The following TTC22 variants were observed in gnomAD, a reference collection of about 807,000 sequenced individuals.
TTC22 encodes tetratricopeptide repeat protein 22.
Under a neutral mutation model 48.2 loss-of-function variants are expected in TTC22, and 42 were observed. The observed-to-expected ratio is 0.87, with a 90% CI of 0.68 to 1.13. The LOEUF is 1.13. TTC22 is among the 50% of genes most tolerant of loss of function. The pLI is 0.00. For synonymous variants in TTC22, 345 were observed against 365.5 expected, an observed-to-expected ratio of 0.94 and a Z score of 0.64; for missense variants, 784 against 807.0, an observed-to-expected ratio of 0.97 and a Z score of 0.34.
intron 1 of TTC22, 49 bp downstream of exon 1, chr1:54,800,548 G>C: frequency 7.2e-7 from 1 of 1,390,382 alleles, no homozygotes; most frequent in Non-Finnish European, 9.4e-7. Context: ...GGGACCATGG[G>C]AGGACCACAG....
At chr1:54,781,893 C>A in intron 6 of TTC22, 114 bp from the exon 7 acceptor site, 1 of 957,238 alleles carries the variant, frequency 1.0e-6, no homozygotes, top group Non-Finnish European at 1.4e-6. Flanking sequence ...CCCACCCTCT[C>A]TCCATCGACA....
At chr1:54,782,070 G>GA (rs1161923152) in intron 6 of TTC22, among the ~76,000 whole-genome samples, 1 of 152,156 alleles carries the variant, frequency 6.6e-6, no homozygotes, top group Non-Finnish European at 1.5e-5. Flanking sequence ...AACATTCCCT[G>GA]AACACAGATA....
In TTC22 at chr1:54,786,149, G is replaced by A. The variant is rs778689561; in HGVS notation, c.859-5C>T. 5.6e-6 allele frequency: 9 copies of A among 1,613,660 alleles called. No homozygotes were observed. The highest frequency in any genetic ancestry group is 4.5e-5 in the East Asian group (2 of 44,874). Reference sequence around the variant, plus strand: ...GTTCTTGGCAATCTCAATGGCCTAGGTAAGGGAGGAGTGCAAAAACAAACC... The same window carrying A: ...GTTCTTGGCAATCTCAATGGCCTAGATAAGGGAGGAGTGCAAAAACAAACC... On this transcript the variant is annotated splice_polypyrimidine_tract_variant and splice_region_variant and intron_variant, in intron 4 of 6. Transcript: ENST00000371276.
At chr1:54,792,967 T>C (rs1646364087) in intron 1 of TTC22, 1 of 152,218 alleles carries the variant, frequency 6.6e-6, no homozygotes, top group African/African-American at 2.4e-5. Context: ...ACAGAGTTTA[T>C]GACTCCCAGA....
Position 54,781,097 on chromosome 1 carries a change from A to G in TTC22, c.*146T>C. 1.8e-6 allele frequency: 1 copy of G among 543,676 alleles called. No homozygotes were observed. The allele number at this position is 543,676 out of a possible 1,614,324, so 33.7% of individuals were successfully genotyped here. A position where few individuals can be genotyped will look rare whatever the true frequency, so the allele number is the denominator to read the frequency against. On this transcript the variant is annotated 3_prime_UTR_variant, in exon 7 of 7. Transcript: ENST00000371276. ...TTTCAAACCGCGCGGGTGTCGCAACATCCCCATTCACAATTCCCGACCAAG... is the reference window on the plus strand; with the variant it reads ...TTTCAAACCGCGCGGGTGTCGCAACGTCCCCATTCACAATTCCCGACCAAG...
rs565831739 is a variant in TTC22, at chr1:54,790,949, G to A, written c.568-2852C>T. ...GTGATCTCAGCTCACTGCAACATCT[G>A]CCTCCTGAGTTCGAGCTATTCTGCC... On this transcript the variant is annotated intron_variant, in intron 1 of 6. Coordinates refer to ENST00000371276, the MANE Select transcript of TTC22 (RefSeq NM_001114108.2). Among the ~76,000 whole-genome samples, 11 of 152,138 alleles carry A rather than the reference G, an allele frequency of 7.2e-5. 1 individual carries two copies. The South Asian group carries it at 2.3e-3, about 32-fold the overall frequency.
At position 54,787,289 on chromosome 1, in the gene TTC22, T is replaced by A. The variant is rs1013268088; in HGVS notation, c.740-214A>T. On this transcript the variant is annotated intron_variant, in intron 3 of 6. Coordinates refer to ENST00000371276, the MANE Select transcript of TTC22 (RefSeq NM_001114108.2). ...ATTTTAGTGCTTATTCTGTGCTCAA[T>A]GTGTCATCGGGGGACCTAATTTCAG... 2.4e-5 allele frequency: 13 copies of A among 551,322 alleles called. No individual in the cohort carries two copies. In the African/African-American group the frequency reaches 2.5e-4, roughly 11 times the overall value. The allele number at this position is 551,322 out of a possible 1,614,324, so 34.2% of individuals were successfully genotyped here. A position where few individuals can be genotyped will look rare whatever the true frequency, so the allele number is the denominator to read the frequency against.
rs983212653 is a variant in TTC22, at chr1:54,782,422, C to T, written c.1076G>A (p.Gly359Asp). 2 of 1,551,248 alleles carry T rather than the reference C, an allele frequency of 1.3e-6. No homozygotes were observed. The highest frequency in any genetic ancestry group is 1.4e-5 in the African/African-American group (1 of 73,174). ...GGCCAGGTGGTTCCTGTCAGGCATGCCCCCGAGACCCATCTTGGCCCGCTT... is the reference window on the plus strand; with the variant it reads ...GGCCAGGTGGTTCCTGTCAGGCATGTCCCCGAGACCCATCTTGGCCCGCTT... ...DLKRAKMGLG[G>D]MPDRNHLACA... Residue 359 changes from glycine (G) to aspartate (D), a missense_variant, in exon 6 of 7, where the codon GGC (glycine) becomes GAC (aspartate). Transcript: ENST00000371276.
Position 54,786,056 on chromosome 1 carries a change from C to G in TTC22, c.947G>C (p.Gly316Ala), listed in dbSNP as rs139427958. ...GACATCCAGGGCCATGTTGCAGGTT[C>G]CAATGGCCATATCCTGCTTTCCCAG... ...YFLGKQDMAIGTCNMALDVLR... is the reference protein window; with the variant it reads ...YFLGKQDMAIATCNMALDVLR... Residue 316 changes from glycine to alanine, a missense_variant, in exon 5 of 7, where the codon GGA becomes GCA. Physicochemically the swap from Gly to Ala is moderately conservative, Grantham distance 60. Coordinates refer to ENST00000371276, the MANE Select transcript of TTC22 (RefSeq NM_001114108.2). 1 of 1,613,904 alleles carries G rather than the reference C, an allele frequency of 6.2e-7. No homozygotes were observed. The highest frequency in any genetic ancestry group is 1.3e-5 in the African/African-American group (1 of 74,908).
rs1570124218 is a variant in TTC22 at position 54,800,769 on chromosome 1, A to G, written c.395T>C (p.Leu132Pro). 1.3e-6 allele frequency: 2 copies of G among 1,554,878 alleles called. No homozygotes were observed. The highest frequency in any genetic ancestry group is 1.7e-6 in the Non-Finnish European group (2 of 1,152,692). Residue 132 changes from leucine (L) to proline (P), a missense_variant, in exon 1 of 7, where the codon CTG becomes CCG. By Grantham distance (98) the Leu-to-Pro change is moderately conservative. Transcript: ENST00000371276. ...CCCGGCGGCCTCGGGCTCCTCTGCC[A>G]GGCCCATGAGGTCGGCCAGCCGTGC... ...CAARLADLMG[L>P]AEEPEAAGDP...
At chr1:54,786,340 T>C (rs776752970) in intron 4 of TTC22, 196 bp from the exon 5 acceptor site, 3 of 535,544 alleles carry the variant, frequency 5.6e-6, no homozygotes, top group African/African-American at 1.9e-5. Context: ...GCACAACCTA[T>C]TGGCACTCAA....
Position 54,786,954 on chromosome 1 carries a change from T to A in TTC22, c.858+3A>T, listed in dbSNP as rs1260617155. 1.4e-6 allele frequency: 2 copies of A among 1,467,400 alleles called. No individual in the cohort carries two copies. The highest frequency in any genetic ancestry group is 2.7e-5 in the South Asian group (2 of 73,760). The allele number at this position is 1,467,400 out of a possible 1,614,324, so 90.9% of individuals were successfully genotyped here. A position where few individuals can be genotyped will look rare whatever the true frequency, so the allele number is the denominator to read the frequency against. On this transcript the variant is annotated splice_donor_region_variant and intron_variant, in intron 4 of 6. Coordinates refer to ENST00000371276, the MANE Select transcript of TTC22 (RefSeq NM_001114108.2). ...GAGGGTGGGTGTGGCTGGGGGCAAG[T>A]ACCTTGCCGAAGCAGTCTAGAGGGT... is the stretch of plus-strand genomic sequence containing the variant.
chr1:54,784,834 C>G (rs1557771170), intron 5 of TTC22: 2 of 1,296,410 alleles, frequency 1.5e-6, no homozygotes, highest in East Asian at 1.1e-4. Context: ...CACATGGGCT[C>G]TGTGTGGGCT....
At chr1:54,799,547 G>A (rs1646417530) in intron 1 of TTC22, among the ~76,000 whole-genome samples, 1 of 152,198 alleles carries the variant, frequency 6.6e-6, no homozygotes, top group African/African-American at 2.4e-5. Flanking sequence ...CCTAGCCCAG[G>A]GCTCTTCAGG....
chr1:54,783,458 A>G (rs1285845927), intron 5 of TTC22, among the ~76,000 whole-genome samples: 4 of 152,352 alleles, frequency 2.6e-5, no homozygotes, highest in South Asian at 2.1e-4. Context: ...AGGAGCTAGC[A>G]TATGGTAGGT....
At chr1:54,798,718 T>C (rs1147985) in intron 1 of TTC22, among the ~76,000 whole-genome samples, 100,276 of 152,112 alleles carry the variant, frequency 0.66, 33,933 homozygotes, top group South Asian at 0.76. Flanking sequence ...GCCTGGCACA[T>C]AGTAGGTGTT....
At chr1:54,788,015 C>G in intron 2 of TTC22, 27 bp downstream of exon 2, 1 of 1,610,454 alleles carries the variant, frequency 6.2e-7, no homozygotes, top group Non-Finnish European at 8.5e-7. Context: ...TCTTCCATCC[C>G]GTACCCCCAC....
Position 54,801,117 on chromosome 1 carries a change from T to G in TTC22, c.47A>C (p.Asp16Ala). ...GTGGCCCGGGAGGTAGTCCAGGTCGTCGATGAGGGCGTCTAGATCGTCGGC... is the reference window on the plus strand; with the variant it reads ...GTGGCCCGGGAGGTAGTCCAGGTCGGCGATGAGGGCGTCTAGATCGTCGGC... ...AVADDLDALI[D>A]DLDYLPGHFH... The change falls in exon 1 of 7, where the codon GAC becomes GCC. Residue 16 changes from aspartate to alanine, a missense_variant. Physicochemically the swap from Asp to Ala is moderately radical, Grantham distance 126 (BLOSUM62 -2). Coordinates refer to ENST00000371276, the MANE Select transcript of TTC22 (RefSeq NM_001114108.2). 6.2e-7 allele frequency: 1 copy of G among 1,611,434 alleles called. No individual in the cohort carries two copies. Among genetic ancestry groups the G allele is most frequent in the South Asian group, 1.1e-5 (1 of 91,072 alleles).
intron 3 of TTC22, chr1:54,787,390 CA>C: frequency 1.3e-5 from 7 of 558,884 alleles, no homozygotes; most frequent in South Asian, 4.3e-5. Flanking sequence ...TCTGGCCCTG[CA>C]AAAAAATGAC....
Sources: gnomAD v4.1 joint callset for allele counts (sites outside exome capture counted in the v4.1 genomes callset) on GRCh38, gnomAD v4.1.1 for gene constraint, MANE v1.5 for transcripts, NCBI Gene and HGNC (gene_info 2026-07-23, HGNC 2026-07-21) for gene names.